The following GALNTL6 variants were observed in gnomAD, a reference collection of about 807,000 sequenced individuals.
The protein encoded by GALNTL6 is polypeptide N-acetylgalactosaminyltransferase like 6.
A neutral mutation model predicts 73.7 loss-of-function variants in GALNTL6; 46 were observed. That is an observed-to-expected ratio of 0.62 (90% CI 0.49 to 0.80). GALNTL6 has a LOEUF of 0.80. GALNTL6 is among the 30% of genes least tolerant of loss of function. GALNTL6 has a pLI of 0.00. For synonymous variants in GALNTL6, 259 were observed against 263.7 expected (o/e 0.98, Z 0.17); for missense variants, 604 against 755.0 (o/e 0.80, Z 2.34).
chr4:172,358,367 C>T (rs1384587239), intron 5 of GALNTL6, among the ~76,000 whole-genome samples: 1 of 152,256 alleles, frequency 6.6e-6, no homozygotes, highest in Non-Finnish European at 1.5e-5. Context: ...TTACTCATTA[C>T]TGCTTTGCGT....
chr4:172,847,569 T>C (rs1005308721), intron 7 of GALNTL6, among the ~76,000 whole-genome samples: 12 of 152,108 alleles, frequency 7.9e-5, no homozygotes, highest in Non-Finnish European at 1.5e-5. Context: ...TCTGTTTAAG[T>C]TGCTATATTA....
Position 172,017,084 on chromosome 4 carries a change from T to A in GALNTL6, c.138+202366T>A, listed in dbSNP as rs1741219808. ...GGCTAATAGGGGAGTTATTCCTGAG[T>A]AGGCACTGGTTGTGGCTAAGGCAGG... On this transcript the variant is annotated intron_variant, in intron 2 of 12. Coordinates refer to ENST00000506823, the MANE Select transcript of GALNTL6 (RefSeq NM_001034845.3). Among the ~76,000 whole-genome samples the A allele has an allele frequency of 2.0e-5, 3 of 152,262 alleles. No individual in the cohort carries two copies. The South Asian group carries it at 6.2e-4, about 32-fold the overall frequency.
chr4:171,916,858 A>G (rs567870982), intron 2 of GALNTL6, among the ~76,000 whole-genome samples: 147 of 152,114 alleles, frequency 9.7e-4, no homozygotes, highest in African/African-American at 3.3e-3. Context: ...CTATATCTTG[A>G]CCCTTTCAGA....
chr4:172,681,347 T>A (rs1247321911), intron 5 of GALNTL6, among the ~76,000 whole-genome samples: 2 of 152,130 alleles, frequency 1.3e-5, no homozygotes, highest in Non-Finnish European at 2.9e-5. Flanking sequence ...GACGTACACT[T>A]CATATCACTT....
intron 10 of GALNTL6, among the ~76,000 whole-genome samples, chr4:173,005,535 AT>A (rs1382133184): frequency 1.9e-4 from 5 of 25,750 alleles, no homozygotes; most frequent in Admixed American, 6.8e-4. Flanking sequence ...TTTAAAAAAA[AT>A]ATATTATTAG....
At chr4:172,883,942 A>G (rs1745587067) in intron 8 of GALNTL6, among the ~76,000 whole-genome samples, 1 of 152,118 alleles carries the variant, frequency 6.6e-6, no homozygotes, top group African/African-American at 2.4e-5. Flanking sequence ...AGTTCCATCT[A>G]TGTTCCTGCA....
chr4:172,890,390 T>G (rs1745968662), intron 8 of GALNTL6, among the ~76,000 whole-genome samples: 1 of 152,170 alleles, frequency 6.6e-6, no homozygotes, highest in African/African-American at 2.4e-5. Context: ...GCTTTCTTTT[T>G]AATACTGCTT....
At chr4:172,105,845 A>T (rs115464933) in intron 2 of GALNTL6, among the ~76,000 whole-genome samples, 5,694 of 152,278 alleles carry the variant, frequency 0.037, 358 homozygotes, top group African/African-American at 0.12. Context: ...AATAGAGAAC[A>T]AGAAAAGAGT....
At chr4:172,225,757 A>AAAATAAATAAAT (rs569716878) in intron 2 of GALNTL6, among the ~76,000 whole-genome samples, 33 of 151,996 alleles carry the variant, frequency 2.2e-4, no homozygotes, top group African/African-American at 7.3e-4. Context: ...CCCAGTTTCA[A>AAAATAAATAAAT]AAATAAATAA....
intron 2 of GALNTL6, among the ~76,000 whole-genome samples, chr4:171,981,589 G>A (rs748127564): frequency 3.9e-4 from 59 of 151,980 alleles, no homozygotes; most frequent in Admixed American, 1.2e-3. Flanking sequence ...GTGATTTGGG[G>A]GTCTGAGTTT....
At chr4:172,743,582 A>T (rs1282907619) in intron 5 of GALNTL6, among the ~76,000 whole-genome samples, 1 of 152,076 alleles carries the variant, frequency 6.6e-6, no homozygotes, top group Non-Finnish European at 1.5e-5. Flanking sequence ...TTACTAAGAT[A>T]CATAAAGCAA....
At chr4:172,570,713 A>T (rs1444104783) in intron 5 of GALNTL6, among the ~76,000 whole-genome samples, 2 of 152,148 alleles carry the variant, frequency 1.3e-5, no homozygotes, top group Non-Finnish European at 2.9e-5. Context: ...GGATAATTCA[A>T]ATGCATTACA....
At chr4:172,637,312 G>T (rs1739743281) in intron 5 of GALNTL6, among the ~76,000 whole-genome samples, 1 of 151,980 alleles carries the variant, frequency 6.6e-6, no homozygotes, top group African/African-American at 2.4e-5. Flanking sequence ...AATATTTAAG[G>T]CATTATTTAT....
At chr4:172,589,715 C>T (rs1421263339) in intron 5 of GALNTL6, among the ~76,000 whole-genome samples, 1 of 152,234 alleles carries the variant, frequency 6.6e-6, no homozygotes, top group Non-Finnish European at 1.5e-5. Context: ...TTTCCTACAT[C>T]TCCCAGCTAT....
Position 172,071,080 on chromosome 4 carries a change from G to A in GALNTL6, c.139-158576G>A, listed in dbSNP as rs1274135986. ...TAAGAGTCAGATCTGATGTAGCGAGGTGAAGACTGACTAATGAAGGTGAAA... is the reference window on the plus strand; with the variant it reads ...TAAGAGTCAGATCTGATGTAGCGAGATGAAGACTGACTAATGAAGGTGAAA... On this transcript the variant is annotated intron_variant, in intron 2 of 12. Transcript: ENST00000506823. Among the ~76,000 whole-genome samples the A allele has an allele frequency of 1.8e-5, 2 of 109,296 alleles. 1 individual carries two copies. The highest frequency in any genetic ancestry group is 4.1e-5 in the Non-Finnish European group (2 of 49,286). 71.7% of individuals were successfully genotyped at this position (109,296 alleles called of 152,430 possible). A position where few individuals can be genotyped will look rare whatever the true frequency, so the allele number is the denominator to read the frequency against.
chr4:171,974,190 T>A (rs1739651322), intron 2 of GALNTL6, among the ~76,000 whole-genome samples: 1 of 151,894 alleles, frequency 6.6e-6, no homozygotes, highest in Admixed American at 6.6e-5. Context: ...TTTTTAATAA[T>A]CCGTGTATTC....
intron 2 of GALNTL6, among the ~76,000 whole-genome samples, chr4:171,838,030 G>A (rs1735145061): frequency 6.6e-6 from 1 of 151,892 alleles, no homozygotes; most frequent in South Asian, 2.1e-4. Flanking sequence ...TGTGCATGTA[G>A]TTTCTCCCTT....
At chr4:172,502,459 C>G (rs1234729631) in intron 5 of GALNTL6, among the ~76,000 whole-genome samples, 2 of 144,366 alleles carry the variant, frequency 1.4e-5, no homozygotes, top group African/African-American at 5.1e-5. Flanking sequence ...TCACAACATT[C>G]AACTCATAGA....
intron 3 of GALNTL6, among the ~76,000 whole-genome samples, chr4:172,288,247 C>T (rs531629579): frequency 1.3e-5 from 2 of 152,104 alleles, no homozygotes; most frequent in Non-Finnish European, 2.9e-5. Flanking sequence ...CCAACCACCA[C>T]GCCCAGCTAA....
Sources: gnomAD v4.1 joint callset for allele counts (sites outside exome capture counted in the v4.1 genomes callset) on GRCh38, gnomAD v4.1.1 for gene constraint, MANE v1.5 for transcripts, NCBI Gene and HGNC (gene_info 2026-07-23, HGNC 2026-07-21) for gene names.